The following STK25 variants were observed in gnomAD, a reference collection of about 807,000 sequenced individuals.
STK25 encodes serine/threonine-protein kinase 25.
Under a neutral mutation model 53.8 loss-of-function variants are expected in STK25, and 29 were observed. The observed-to-expected ratio is 0.54, with a 90% CI of 0.40 to 0.74. The LOEUF is 0.74. Among genes scored for constraint, STK25 ranks in the 30% least tolerant of loss-of-function variants. The pLI, the probability that STK25 is intolerant of heterozygous loss-of-function variation, is 0.00. For missense variants in STK25, 420 were observed against 568.0 expected, an observed-to-expected ratio of 0.74 and a Z score of 2.65; for synonymous variants, 247 against 238.3, an observed-to-expected ratio of 1.04 and a Z score of -0.33.
chr2:241,498,749 G>A lies in STK25; in HGVS notation c.807C>T (p.Phe269=). 1 of 1,614,156 alleles carries A rather than the reference G, an allele frequency of 6.2e-7. No individual in the cohort carries two copies. Among genetic ancestry groups the A allele is most frequent in the Non-Finnish European group, 8.5e-7 (1 of 1,180,030 alleles). Residue 269 remains phenylalanine (F), a synonymous_variant, in exon 8 of 12, where the codon TTC becomes TTT. Transcript: ENST00000316586. ...AGGTCTTCTTGGTGTAGCGTGTGAT[G>A]AACTTGTGCTTCAGGAGCTCCTTGG... ...PTAKELLKHK[F]ITRYTKKTSF... is the part of the protein sequence containing the mutation.
In STK25 at chr2:241,496,577, G is replaced by C; in HGVS notation, c.1105-43C>G. 1.9e-6 allele frequency: 3 copies of C among 1,591,838 alleles called. No homozygotes were observed. Among genetic ancestry groups the C allele is most frequent in the Non-Finnish European group, 2.6e-6 (3 of 1,165,030 alleles). ...CGCCTGACCCTGGACCCCAGGACAG[G>C]CCTTCAGGGAGCCTGCTCCTTTGCT... On this transcript the variant is annotated intron_variant, in intron 10 of 11. Coordinates refer to ENST00000316586, the MANE Select transcript of STK25 (RefSeq NM_001271977.2). This position sits in a 1 kb window ranked among gnomAD's most constrained non-coding sequence, Gnocchi z 5.8.
chr2:241,496,552 C>G lies in STK25; in HGVS notation c.1105-18G>C. 2 of 1,610,692 alleles carry G rather than the reference C, an allele frequency of 1.2e-6. No individual in the cohort carries two copies. Among genetic ancestry groups the G allele is most frequent in the South Asian group, 2.2e-5 (2 of 90,980 alleles). The stretch of plus-strand genomic sequence containing the variant: ...TCTTTGAGCTGTGAAAAGACCACCA[C>G]GCCTGACCCTGGACCCCAGGACAGG... On this transcript the variant is annotated intron_variant, in intron 10 of 11. Transcript: ENST00000316586. The surrounding 1 kb of genome is among the most constrained non-coding windows in gnomAD (Gnocchi z 5.8).
intron 5 of STK25, 174 bp from the exon 6 acceptor site, chr2:241,499,588 G>T (rs2065380694): frequency 1.3e-6 from 1 of 770,976 alleles, no homozygotes; most frequent in Non-Finnish European, 2.0e-6. Flanking sequence ...GGGCCACAGG[G>T]GCACTGCCAG....
At position 241,501,720 on chromosome 2, in the gene STK25, G is replaced by A. The variant is rs2065523021; in HGVS notation, c.31-12C>T. On this transcript the variant is annotated splice_polypyrimidine_tract_variant and intron_variant, in intron 2 of 11. Transcript: ENST00000316586. This position sits in a 1 kb window ranked among gnomAD's most constrained non-coding sequence, Gnocchi z 5.3. ...TCCACTCGAGAGTGCTGTGGGGCCAGGGCGGGGACAGAGGGCAGACAGCGC... is the reference window on the plus strand; with the variant it reads ...TCCACTCGAGAGTGCTGTGGGGCCAAGGCGGGGACAGAGGGCAGACAGCGC... 3 of 1,605,316 alleles carry A rather than the reference G, an allele frequency of 1.9e-6. No individual in the cohort carries two copies. The highest frequency in any genetic ancestry group is 4.5e-5 in the East Asian group (2 of 44,724).
At chr2:241,499,912 G>C in intron 5 of STK25, 2 of 584,338 alleles carry the variant, frequency 3.4e-6, no homozygotes, top group Non-Finnish European at 6.4e-6. Context: ...GTGCACCACA[G>C]GGAACCAACA....
chr2:241,497,016 C>T (rs1471380755), intron 10 of STK25, among the ~76,000 whole-genome samples: 2 of 152,220 alleles, frequency 1.3e-5, no homozygotes, highest in Admixed American at 6.5e-5. Flanking sequence ...AGGACCTGGA[C>T]CCGAGTGGCT....
At position 241,500,840 on chromosome 2, in the gene STK25, A is replaced by G. The variant is rs761332993; in HGVS notation, c.262-44T>C. The G allele has an allele frequency of 2.9e-5, 46 of 1,603,968 alleles. 1 individual carries two copies. In the Middle Eastern group the frequency reaches 6.6e-4, roughly 23 times the overall value. On this transcript the variant is annotated intron_variant, in intron 3 of 11. Coordinates refer to ENST00000316586, the MANE Select transcript of STK25 (RefSeq NM_001271977.2). ...CCATCAGCATTTGGCAGCAAGAGGA[A>G]GGGCATGCTCCAGGGTGGGAGTCAC...
In STK25 at chr2:241,498,611, T is replaced by TCC. The variant is rs776849065; in HGVS notation, c.917+27_917+28insGG. ...ACCACCCACGTCACAGCACCTAGGGTCACCATGAGGATAAACCAGGTCCCT... is the reference window on the plus strand; with the variant it reads ...ACCACCCACGTCACAGCACCTAGGGTCCCACCATGAGGATAAACCAGGTCCCT... On this transcript the variant is annotated intron_variant, in intron 8 of 11. Coordinates refer to ENST00000316586, the MANE Select transcript of STK25 (RefSeq NM_001271977.2). 25 of 1,600,418 alleles carry TCC rather than the reference T, an allele frequency of 1.6e-5. No individual in the cohort carries two copies. The East Asian group carries it at 5.1e-4, about 33-fold the overall frequency.
rs138057538 is a variant in STK25, at chr2:241,497,676, G to A, written c.1044C>T (p.Pro348=). 1.5e-4 allele frequency: 245 copies of A among 1,613,276 alleles called. No homozygotes were observed. Among genetic ancestry groups the A allele is most frequent in the Middle Eastern group, 3.3e-4 (2 of 6,068 alleles). The change falls in exon 10 of 12, where the codon CCC becomes CCT. Residue 348 remains proline (P), a synonymous_variant. Transcript: ENST00000316586. ...ALHSSQKPAE[P]VKRQPRSQCL... ...ACTGGGACCTCGGCTGCCTCTTGAC[G>A]GGCTCCGCAGGCTGCAAAGGAGTGG...
chr2:241,508,591 G>T (rs2066002659), upstream of STK25: 3 of 988,976 alleles, frequency 3.0e-6, no homozygotes, highest in Non-Finnish European at 3.6e-6. Flanking sequence ...AAGCCCGGAG[G>T]CGACGGCGAG....
intron 2 of STK25, among the ~76,000 whole-genome samples, chr2:241,506,060 C>T (rs2065804981): frequency 6.6e-6 from 1 of 152,240 alleles, no homozygotes; most frequent in South Asian, 2.1e-4. Context: ...TGATACAGTG[C>T]TCTGGCACCC....
chr2:241,498,602 C>G, intron 8 of STK25, 37 bp downstream of exon 8: 1 of 1,594,056 alleles, frequency 6.3e-7, no homozygotes, highest in Non-Finnish European at 8.6e-7. Context: ...CACGTCACAG[C>G]ACCTAGGGTC....
intron 5 of STK25, 152 bp from the exon 6 acceptor site, chr2:241,499,566 C>T (rs2065379558): frequency 1.3e-5 from 13 of 1,008,718 alleles, no homozygotes; most frequent in East Asian, 2.6e-5. Flanking sequence ...CTCTCAAACC[C>T]AGGGCCACCT....
In STK25 at chr2:241,501,419, G is replaced by T; in HGVS notation, c.261+59C>A. 2 of 1,536,264 alleles carry T rather than the reference G, an allele frequency of 1.3e-6. No homozygotes were observed. The highest frequency in any genetic ancestry group is 1.1e-5 in the South Asian group (1 of 86,998). On this transcript the variant is annotated intron_variant, in intron 3 of 11. Transcript: ENST00000316586. This position sits in a 1 kb window ranked among gnomAD's most constrained non-coding sequence, Gnocchi z 5.3. ...CTCTGGCATGTCACTCAGTCCCTCTGACATGGAAGAGAGCCGGGCACAGCA... is the reference window on the plus strand; with the variant it reads ...CTCTGGCATGTCACTCAGTCCCTCTTACATGGAAGAGAGCCGGGCACAGCA...
Position 241,508,115 on chromosome 2 carries a change from C to G in STK25, c.-80G>C. Reference sequence around the variant, plus strand: ...CGGAGAGGCGCGGAGCCGGCTAGCTCGCCCCTGCGGCGTCAGTCCACTGCG... The same window carrying G: ...CGGAGAGGCGCGGAGCCGGCTAGCTGGCCCCTGCGGCGTCAGTCCACTGCG... On this transcript the variant is annotated 5_prime_UTR_variant, in exon 2 of 12. Coordinates refer to ENST00000316586, the MANE Select transcript of STK25 (RefSeq NM_001271977.2). The G allele has an allele frequency of 6.5e-7, 1 of 1,536,858 alleles. No individual in the cohort carries two copies.
At chr2:241,508,394 C>CT in intron 1 of STK25, 49 bp downstream of exon 1, 1 of 1,110,768 alleles carries the variant, frequency 9.0e-7, no homozygotes, top group Non-Finnish European at 1.1e-6. Flanking sequence ...GCCCCTCCCT[C>CT]TGCCCCCTCC....
rs1559830500 is a variant in STK25 at position 241,498,329 on chromosome 2, C to G, written c.938G>C (p.Gly313Ala). 1 of 1,598,720 alleles carries G rather than the reference C, an allele frequency of 6.3e-7. No individual in the cohort carries two copies. The change falls in exon 9 of 12, where the codon GGG becomes GCG. Residue 313 changes from glycine (G) to alanine (A), a missense_variant. Physicochemically the swap from Gly to Ala is moderately conservative, Grantham distance 60 (BLOSUM62 0). Transcript: ENST00000316586. ...DSDIDGEAED[G>A]EQGPIWTFPP... Reference sequence around the variant, plus strand: ...GAACGTCCAGATGGGGCCCTGCTCCCCGTCCTCCGCCTCGCCATCACTGAA... The same window carrying G: ...GAACGTCCAGATGGGGCCCTGCTCCGCGTCCTCCGCCTCGCCATCACTGAA...
chr2:241,504,085 G>A (rs1431172395), intron 2 of STK25: 1 of 471,212 alleles, frequency 2.1e-6, no homozygotes, highest in Non-Finnish European at 4.4e-6. Context: ...AGACCTCGAG[G>A]TGACTGGAAC....
In STK25 at chr2:241,496,577, G is replaced by T; in HGVS notation, c.1105-43C>A. 1 of 1,591,836 alleles carries T rather than the reference G, an allele frequency of 6.3e-7. No individual in the cohort carries two copies. Among genetic ancestry groups the T allele is most frequent in the Middle Eastern group, 1.7e-4 (1 of 5,976 alleles). On this transcript the variant is annotated intron_variant, in intron 10 of 11. Coordinates refer to ENST00000316586, the MANE Select transcript of STK25 (RefSeq NM_001271977.2). This position sits in a 1 kb window ranked among gnomAD's most constrained non-coding sequence, Gnocchi z 5.8. ...CGCCTGACCCTGGACCCCAGGACAG[G>T]CCTTCAGGGAGCCTGCTCCTTTGCT... is the stretch of plus-strand genomic sequence containing the variant.
Sources: allele counts gnomAD v4.1 joint callset (sites outside exome capture counted in the v4.1 genomes callset), GRCh38; gene constraint gnomAD v4.1.1; non-coding constraint Gnocchi (gnomAD v3.1); transcripts MANE v1.5; gene names NCBI Gene and HGNC (gene_info 2026-07-23, HGNC 2026-07-21).